STK38: variants seen among roughly 807,000 people sequenced by gnomAD.
The protein encoded by STK38 is serine/threonine-protein kinase 38.
STK38 carries 26 observed loss-of-function variants against 59.0 expected under a neutral mutation model. The ratio of observed to expected loss-of-function variants is 0.44; its 90% CI spans 0.32 to 0.61. The LOEUF is 0.61. Among genes scored for constraint, STK38 ranks in the 20% least tolerant of loss-of-function variants. STK38 has a pLI of 0.04. For synonymous variants in STK38, 175 were observed against 176.6 expected (o/e 0.99, Z 0.07); for missense variants, 433 against 566.0 (o/e 0.76, Z 2.38).
chr6:36,500,355 C>CG (rs1215519182), intron 9 of STK38, among the ~76,000 whole-genome samples: 15 of 151,992 alleles, frequency 9.9e-5, no homozygotes, highest in South Asian at 2.1e-4. Context: ...TTAATCCTGA[C>CG]AAAACTTTTC....
chr6:36,515,383 G>A lies in STK38; in HGVS notation c.624C>T (p.Phe208=). ...LAIDSIHQLG[F]IHRDIKPDNL... The stretch of plus-strand genomic sequence containing the variant: ...TGTCTGGTTTGATGTCTCTGTGGAT[G>A]AATCCAAGTTGGTGAATAGAGTCTA... Residue 208 remains phenylalanine, a synonymous_variant, in exon 7 of 14, where the codon TTC becomes TTT. Coordinates refer to ENST00000229812, the MANE Select transcript of STK38 (RefSeq NM_007271.4). 1.2e-6 allele frequency: 2 copies of A among 1,614,114 alleles called. No individual in the cohort carries two copies. Among genetic ancestry groups the A allele is most frequent in the South Asian group, 1.1e-5 (1 of 91,082 alleles).
At chr6:36,539,487 GACT>G (rs913633175) in intron 2 of STK38, among the ~76,000 whole-genome samples, 3 of 152,012 alleles carry the variant, frequency 2.0e-5, no homozygotes, top group African/African-American at 7.2e-5. Flanking sequence ...TTAACTAAGT[GACT>G]ACTATGTGTG....
chr6:36,521,569 T>A (rs1466620210), intron 5 of STK38, among the ~76,000 whole-genome samples, 165 bp downstream of exon 5: 3 of 152,204 alleles, frequency 2.0e-5, no homozygotes, highest in Non-Finnish European at 4.4e-5. Context: ...ATTTTAAATA[T>A]GAACTGCTTC....
chr6:36,528,028 G>C lies in STK38; in HGVS notation c.132-2386C>G, dbSNP rs1319246495. ...GGAGGCTGAGGCAGGAGAATGTTGT[G>C]AACCCAGGAGGCGGAGCTTGCAGTG... is the stretch of plus-strand genomic sequence containing the variant. On this transcript the variant is annotated intron_variant, in intron 2 of 13. Coordinates refer to ENST00000229812, the MANE Select transcript of STK38 (RefSeq NM_007271.4). Among the ~76,000 whole-genome samples, 4 of 151,688 alleles carry C rather than the reference G, an allele frequency of 2.6e-5. No homozygotes were observed. In the East Asian group the frequency reaches 5.8e-4, roughly 22 times the overall value.
chr6:36,526,372 T>C (rs763052596), intron 2 of STK38, among the ~76,000 whole-genome samples: 3 of 152,050 alleles, frequency 2.0e-5, no homozygotes, highest in Non-Finnish European at 2.9e-5. Context: ...TTCCCTGCCA[T>C]GAGGAAAGGG....
rs1310741542 is a variant in STK38 at position 36,494,707 on chromosome 6, A to T, written c.*1077T>A. On this transcript the variant is annotated 3_prime_UTR_variant, in exon 14 of 14. Coordinates refer to ENST00000229812, the MANE Select transcript of STK38 (RefSeq NM_007271.4). ...TAAAGTTGGGAGAGAAGAAATACCA[A>T]GAGAGAAGACAAAACATGGCTGTGC... 1 of 152,730 alleles carries T rather than the reference A, an allele frequency of 6.5e-6. No individual in the cohort carries two copies. Among genetic ancestry groups the T allele is most frequent in the East Asian group, 1.9e-4 (1 of 5,200 alleles). 9.5% of individuals were successfully genotyped at this position (152,730 alleles called of 1,614,324 possible). A position where few individuals can be genotyped will look rare whatever the true frequency, so the allele number is the denominator to read the frequency against.
At chr6:36,532,681 C>T (rs988195660) in intron 2 of STK38, among the ~76,000 whole-genome samples, 1 of 151,876 alleles carries the variant, frequency 6.6e-6, no homozygotes, top group African/African-American at 2.4e-5. Flanking sequence ...GGCAGATCAC[C>T]TCAGGTCAGG....
intron 2 of STK38, among the ~76,000 whole-genome samples, chr6:36,536,637 G>A (rs1485608768): frequency 4.6e-5 from 7 of 152,006 alleles, no homozygotes; most frequent in Admixed American, 6.6e-5. Context: ...GGGTTCAAGC[G>A]ATTCTCCTGC....
intron 2 of STK38, among the ~76,000 whole-genome samples, chr6:36,528,675 A>G (rs146006403): frequency 6.6e-6 from 1 of 152,348 alleles, no homozygotes; most frequent in African/African-American, 2.4e-5. Context: ...AGGTAGTTGA[A>G]GCAGAGAAGA....
At chr6:36,499,757 T>C (rs769627710) in intron 10 of STK38, 116 bp downstream of exon 10, 15 of 869,228 alleles carry the variant, frequency 1.7e-5, no homozygotes, top group Non-Finnish European at 2.9e-5. Flanking sequence ...ACAATTCACT[T>C]TGAAAGACAA....
intron 4 of STK38, among the ~76,000 whole-genome samples, chr6:36,522,855 CAAAAA>C (rs1200049731): frequency 1.5e-5 from 1 of 66,568 alleles, no homozygotes; most frequent in African/African-American, 4.6e-5. Flanking sequence ...GACTCTGTCT[CAAAAA>C]AAAAAAAAAA....
Position 36,509,362 on chromosome 6 carries a change from C to T in STK38, c.670-1760G>A, listed in dbSNP as rs535056113. On this transcript the variant is annotated intron_variant, in intron 7 of 13. Transcript: ENST00000229812. ...GACGCAGGCAGGTCATCCCATCTGC[C>T]GGGGTTCGGTAAGGGTGGTGAGAAA... Among the ~76,000 whole-genome samples the T allele has an allele frequency of 5.9e-5, 9 of 152,196 alleles. No homozygotes were observed. In the South Asian group the frequency reaches 8.3e-4, roughly 14 times the overall value.
At chr6:36,525,774 C>A in intron 2 of STK38, 132 bp from the exon 3 acceptor site, 240 of 645,780 alleles carry the variant, frequency 3.7e-4, no homozygotes, top group South Asian at 7.4e-4. Flanking sequence ...CTCATTAAAA[C>A]AAAAAAAATT....
At chr6:36,515,316 C>G in intron 7 of STK38, 22 bp downstream of exon 7, 10 of 1,612,008 alleles carry the variant, frequency 6.2e-6, no homozygotes, top group Non-Finnish European at 8.5e-6. Flanking sequence ...GTGCATAGTT[C>G]ATGCCAATGC....
In STK38 at chr6:36,531,019, A is replaced by T. The variant is rs573733099; in HGVS notation, c.132-5377T>A. Reference sequence around the variant, plus strand: ...ATACCCTAAAATTAACACTACACAGATTCTTTAAAATCTCAACAAATTACT... The same window carrying T: ...ATACCCTAAAATTAACACTACACAGTTTCTTTAAAATCTCAACAAATTACT... On this transcript the variant is annotated intron_variant, in intron 2 of 13. Coordinates refer to ENST00000229812, the MANE Select transcript of STK38 (RefSeq NM_007271.4). Among the ~76,000 whole-genome samples, 8 of 152,152 alleles carry T rather than the reference A, an allele frequency of 5.3e-5. No individual in the cohort carries two copies. In the South Asian group the frequency reaches 1.7e-3, roughly 32 times the overall value.
At chr6:36,543,218 C>T (rs1218089417) in intron 1 of STK38, among the ~76,000 whole-genome samples, 1 of 151,414 alleles carries the variant, frequency 6.6e-6, no homozygotes, top group Non-Finnish European at 1.5e-5. Context: ...GCACCCGCCA[C>T]CACGCCCGGC....
intron 2 of STK38, among the ~76,000 whole-genome samples, chr6:36,528,373 T>C (rs1271543787): frequency 6.6e-6 from 1 of 152,150 alleles, no homozygotes; most frequent in Non-Finnish European, 1.5e-5. Flanking sequence ...ATGATTCAGA[T>C]GTACAGTAAA....
At chr6:36,539,434 G>C (rs763916505) in intron 2 of STK38, among the ~76,000 whole-genome samples, 10 of 151,066 alleles carry the variant, frequency 6.6e-5, no homozygotes, top group Non-Finnish European at 1.3e-4. Flanking sequence ...TAAGTGGACA[G>C]TATACACCAG....
chr6:36,521,893 A>C, intron 4 of STK38, 76 bp from the exon 5 acceptor site: 5 of 1,150,056 alleles, frequency 4.3e-6, no homozygotes, highest in Non-Finnish European at 5.0e-6. Flanking sequence ...TATAGGATGC[A>C]ATAATTAACT....
Sources: gnomAD v4.1 joint callset for allele counts (sites outside exome capture counted in the v4.1 genomes callset) on GRCh38, gnomAD v4.1.1 for gene constraint, MANE v1.5 for transcripts, NCBI Gene and HGNC (gene_info 2026-07-23, HGNC 2026-07-21) for gene names.